Variants in ABAT observed in about 807,000 individuals in gnomAD.
ABAT encodes the protein 4-aminobutyrate aminotransferase.
In ABAT, 45 loss-of-function variants were observed where a neutral mutation model predicts 64.6. That is an observed-to-expected ratio of 0.70 (90% confidence interval 0.55 to 0.89). The LOEUF is 0.89. ABAT is among the 40% of genes least tolerant of loss of function. The pLI is 0.00. For synonymous variants in ABAT, 297 were observed against 250.5 expected, an observed-to-expected ratio of 1.19 and a Z score of -1.75; for missense variants, 633 against 658.4, an observed-to-expected ratio of 0.96 and a Z score of 0.42.
chr16:8,722,933 C>T (rs1028329185), intron 1 of ABAT: 96 of 1,180,524 alleles, frequency 8.1e-5, no homozygotes, highest in Non-Finnish European at 9.9e-5. Context: ...AGAGTCCGAA[C>T]GGGCCTTAGA....
intron 6 of ABAT, 86 bp from the exon 7 acceptor site, chr16:8,763,983 C>T: frequency 8.7e-7 from 1 of 1,143,790 alleles, no homozygotes; most frequent in Non-Finnish European, 1.3e-6. Context: ...GCTATTTGAA[C>T]ACAGGGGCTA....
intron 1 of ABAT, among the ~76,000 whole-genome samples, chr16:8,690,060 G>T (rs548849783): frequency 4.1e-4 from 62 of 152,316 alleles, no homozygotes; most frequent in Admixed American, 1.6e-3. Flanking sequence ...AGAAGAATGT[G>T]TATGGCAACC....
At chr16:8,690,894 G>T (rs571534292) in intron 1 of ABAT, among the ~76,000 whole-genome samples, 1 of 152,160 alleles carries the variant, frequency 6.6e-6, no homozygotes, top group African/African-American at 2.4e-5. Flanking sequence ...GTAGGTGGCC[G>T]CTGTGTTCTT....
At chr16:8,773,147 C>CACACACACACACATAT (rs1239743158) in intron 12 of ABAT, among the ~76,000 whole-genome samples, 2 of 98,428 alleles carry the variant, frequency 2.0e-5, no homozygotes, top group Admixed American at 1.1e-4. Flanking sequence ...CACACACACA[C>CACACACACACACATAT]ATATATATAT....
At position 8,726,262 on chromosome 16, in the gene ABAT, C is replaced by CTTTTTTTTTTTT. The variant is rs71152921; in HGVS notation, c.-41-9432_-41-9421dup. Among the ~76,000 whole-genome samples, 17 of 120,800 alleles carry CTTTTTTTTTTTT rather than the reference C, an allele frequency of 1.4e-4. 1 individual carries two copies. The highest frequency in any genetic ancestry group is 2.2e-4 in the Non-Finnish European group (13 of 60,232). The allele number at this position is 120,800 out of a possible 152,430, so 79.2% of individuals were successfully genotyped here. On this transcript the variant is annotated intron_variant, in intron 1 of 15. Transcript: ENST00000268251. Reference sequence around the variant, plus strand: ...TCCACGTTGTTGCAAATGACTAGATCTTTTTTTTTTTTTTTTGAGATGGAG... The same window carrying CTTTTTTTTTTTT: ...TCCACGTTGTTGCAAATGACTAGATCTTTTTTTTTTTTTTTTTTTTTTTTTTTTGAGATGGAG...
intron 2 of ABAT, among the ~76,000 whole-genome samples, chr16:8,742,865 CAAAAA>C (rs71152927): frequency 1.0e-5 from 1 of 96,992 alleles, no homozygotes; most frequent in African/African-American, 4.3e-5. Flanking sequence ...GACCCTGTCT[CAAAAA>C]AAAAAAAAAA....
At chr16:8,704,291 T>C (rs1414828856) in intron 1 of ABAT, among the ~76,000 whole-genome samples, 2 of 152,246 alleles carry the variant, frequency 1.3e-5, no homozygotes, top group East Asian at 1.9e-4. Context: ...AATTTCCAAG[T>C]GCCTCTGGGG....
chr16:8,735,848 G>A (rs2058910714), intron 2 of ABAT, 39 bp downstream of exon 2: 5 of 1,542,850 alleles, frequency 3.2e-6, no homozygotes, highest in Non-Finnish European at 3.5e-6. Flanking sequence ...GGTACTAATG[G>A]AAGATACCAT....
intron 6 of ABAT, among the ~76,000 whole-genome samples, chr16:8,762,509 A>G (rs2059826419): frequency 6.6e-6 from 1 of 152,244 alleles, no homozygotes; most frequent in Non-Finnish European, 1.5e-5. Flanking sequence ...AAAGCCAATT[A>G]TCTTCATGCT....
intron 1 of ABAT, among the ~76,000 whole-genome samples, chr16:8,710,202 C>T (rs1193479610): frequency 6.6e-6 from 1 of 152,118 alleles, no homozygotes; most frequent in Non-Finnish European, 1.5e-5. Flanking sequence ...TGAGATAATA[C>T]ATGGAAAGTA....
rs143334594 is a variant in ABAT at position 8,739,305 on chromosome 16, C to T, written c.70+3496C>T. Among the ~76,000 whole-genome samples, 33 of 152,330 alleles carry T rather than the reference C, an allele frequency of 2.2e-4. No homozygotes were observed. The East Asian group carries it at 6.2e-3, about 28-fold the overall frequency. On this transcript the variant is annotated intron_variant, in intron 2 of 15. Transcript: ENST00000268251. ...CATGTGATTGGATTGCTACCTTCAC[C>T]ACACATTAACCAAGTGAGCCTAACC...
At chr16:8,705,305 C>T (rs865969772) in intron 1 of ABAT, among the ~76,000 whole-genome samples, 3 of 151,766 alleles carry the variant, frequency 2.0e-5, no homozygotes, top group African/African-American at 4.8e-5. Context: ...ACTTTAAAAC[C>T]GTCAGATCTC....
intron 2 of ABAT, among the ~76,000 whole-genome samples, chr16:8,739,106 C>G (rs909406404): frequency 6.6e-6 from 1 of 152,214 alleles, no homozygotes; most frequent in African/African-American, 2.4e-5. Flanking sequence ...TGTTGGGCAC[C>G]TACTGCATGC....
At chr16:8,706,455 T>C (rs1351045812) in intron 1 of ABAT, among the ~76,000 whole-genome samples, 1 of 148,354 alleles carries the variant, frequency 6.7e-6, no homozygotes, top group Non-Finnish European at 1.5e-5. Flanking sequence ...TCATCATGCC[T>C]GTAATCCCAG....
At chr16:8,752,995 C>T (rs990491618) in intron 5 of ABAT, among the ~76,000 whole-genome samples, 16 of 152,182 alleles carry the variant, frequency 1.1e-4, no homozygotes, top group Admixed American at 8.5e-4. Flanking sequence ...CTGATGGGCC[C>T]GAGTCTCAAG....
intron 6 of ABAT, among the ~76,000 whole-genome samples, chr16:8,761,107 C>T (rs1425734061): frequency 6.6e-6 from 1 of 151,980 alleles, no homozygotes; most frequent in African/African-American, 2.4e-5. Context: ...AAAAACATAT[C>T]CCAGAAAACA....
In ABAT at chr16:8,764,621, A is replaced by G; in HGVS notation, c.448-117A>G. 2 of 996,680 alleles carry G rather than the reference A, an allele frequency of 2.0e-6. No homozygotes were observed. Among genetic ancestry groups the G allele is most frequent in the Non-Finnish European group, 3.1e-6 (2 of 635,732 alleles). The allele number at this position is 996,680 out of a possible 1,614,324, so 61.7% of individuals were successfully genotyped here. A position where few individuals can be genotyped will look rare whatever the true frequency, so the allele number is the denominator to read the frequency against. ...CTCCCAGTCCGACACCTTCCAGGAC[A>G]GCCCTGGTTCTGTCTGTCCCCGGTA... On this transcript the variant is annotated intron_variant, in intron 7 of 15. Transcript: ENST00000268251. The surrounding 1 kb of genome is among the most constrained non-coding windows in gnomAD (Gnocchi z 4.2).
chr16:8,769,847 CTGTT>C (rs1277511183), intron 11 of ABAT, among the ~76,000 whole-genome samples: 1 of 152,132 alleles, frequency 6.6e-6, no homozygotes, highest in East Asian at 1.9e-4. Flanking sequence ...AAAAATATCA[CTGTT>C]TGGGTATAGA....
At chr16:8,739,530 C>A (rs1199327496) in intron 2 of ABAT, among the ~76,000 whole-genome samples, 1 of 151,958 alleles carries the variant, frequency 6.6e-6, no homozygotes, top group Non-Finnish European at 1.5e-5. Flanking sequence ...CCAGCCTGGC[C>A]AACATGATGA....
Sources: gnomAD v4.1 joint callset for allele counts (sites outside exome capture counted in the v4.1 genomes callset) on GRCh38, gnomAD v4.1.1 for gene constraint, Gnocchi (gnomAD v3.1) non-coding constraint, MANE v1.5 for transcripts, NCBI Gene and HGNC (gene_info 2026-07-23, HGNC 2026-07-21) for gene names.